Variants in FHDC1 observed in about 807,000 individuals in gnomAD.
FHDC1 encodes FH2 domain-containing protein 1.
Under a neutral mutation model 52.6 loss-of-function variants are expected in FHDC1, and 25 were observed. That is an observed-to-expected ratio of 0.48 (90% CI 0.35 to 0.66). The LOEUF (loss-of-function observed/expected upper bound fraction) is 0.66, where lower values mean the gene tolerates loss of function less well. Ranked by LOEUF, FHDC1 falls within the 30% of genes least tolerant of loss-of-function variation. The probability of loss-of-function intolerance (pLI) is 0.01; values close to 1 mark genes in which losing one functional copy is unlikely to be tolerated. For missense variants in FHDC1, 1,459 were observed against 1,452.8 expected, an observed-to-expected ratio of 1.00 and a Z score of -0.07; for synonymous variants, 616 against 581.5, an observed-to-expected ratio of 1.06 and a Z score of -0.85.
chr4:152,968,413 C>T (rs563776695), intron 10 of FHDC1, among the ~76,000 whole-genome samples: 5 of 151,932 alleles, frequency 3.3e-5, no homozygotes, highest in Non-Finnish European at 5.9e-5. Context: ...GCAACCTCCG[C>T]CTCCCTAGTT....
chr4:152,925,213 ACT>A, the FHDC1 span, among the ~76,000 whole-genome samples: 2 of 151,702 alleles, frequency 1.3e-5, no homozygotes, highest in East Asian at 3.9e-4. Context: ...ATTTAAAGCA[ACT>A]CTTTTTTTCT....
chr4:152,975,874 A>C lies in FHDC1; in HGVS notation c.2583A>C (p.Ala861=). Residue 861 remains alanine (A), a synonymous_variant, in exon 12 of 12, where the codon GCA becomes GCC. Transcript: ENST00000511601. ...CCACCAAAAGGAAAGATGTTGTAGC[A>C]CCAAAGAGAGGCTCCCTGAAAGAGG... The part of the protein sequence containing the change: ...DKPTKRKDVV[A]PKRGSLKEAS... 6.6e-7 allele frequency: 1 copy of C among 1,515,494 alleles called. No individual in the cohort carries two copies. The highest frequency in any genetic ancestry group is 8.8e-7 in the Non-Finnish European group (1 of 1,134,054). 93.9% of individuals were successfully genotyped at this position (1,515,494 alleles called of 1,614,324 possible).
rs374612781 is a variant in FHDC1, at chr4:152,960,582, G to A, written c.681G>A (p.Ala227=). 4.3e-5 allele frequency: 69 copies of A among 1,613,932 alleles called. No individual in the cohort carries two copies. In the Middle Eastern group the frequency reaches 6.6e-4, roughly 15 times the overall value. ...TCTTTTAGGTAAAGAAGTTAAAAGC[G>A]TTTAGTGGCGACGTGTCGAAGCTGT... ...PESEEVKKLK[A]FSGDVSKLSL... The change falls in exon 5 of 12, where the codon GCG becomes GCA. Residue 227 remains alanine, a synonymous_variant. Coordinates refer to ENST00000511601, the MANE Select transcript of FHDC1 (RefSeq NM_001371116.1).
At chr4:152,960,913 C>A in intron 6 of FHDC1, 69 bp downstream of exon 6, 1 of 1,169,590 alleles carries the variant, frequency 8.5e-7, no homozygotes, top group Non-Finnish European at 1.2e-6. Context: ...TTAAAAAAGC[C>A]AAATGAAATT....
At position 152,976,137 on chromosome 4, in the gene FHDC1, C is replaced by T; in HGVS notation, c.2846C>T (p.Ser949Phe). The change falls in exon 12 of 12, where the codon TCC (serine) becomes TTC (phenylalanine). Residue 949 changes from serine (S) to phenylalanine (F), a missense_variant. Ser to Phe is a radical substitution (Grantham distance 155). This residue lies in a region of FHDC1 where 939 missense variants were observed against 854.5 expected (regional missense o/e 1.10). Transcript: ENST00000511601. ...WSRQNSVRRA[S>F]TGAEEQRLPR... is the part of the protein sequence containing the mutation. ...CGCCAGAACTCCGTGCGGAGGGCCT[C>T]CACAGGCGCCGAAGAGCAGAGGCTG... is the stretch of plus-strand genomic sequence containing the variant. The T allele has an allele frequency of 6.2e-7, 1 of 1,611,610 alleles. No individual in the cohort carries two copies. Among genetic ancestry groups the T allele is most frequent in the Non-Finnish European group, 8.5e-7 (1 of 1,179,228 alleles).
At chr4:152,947,948 C>T (rs922688973) in intron 2 of FHDC1, among the ~76,000 whole-genome samples, 5 of 152,058 alleles carry the variant, frequency 3.3e-5, no homozygotes, top group South Asian at 2.1e-4. Context: ...GTTATGATGC[C>T]GGTATGTTCC....
chr4:152,915,384 G>A, the FHDC1 span, among the ~76,000 whole-genome samples: 2 of 152,132 alleles, frequency 1.3e-5, no homozygotes, highest in Non-Finnish European at 2.9e-5. Flanking sequence ...CAAAATGCTG[G>A]GATTACAGGC....
the FHDC1 span, among the ~76,000 whole-genome samples, chr4:152,926,305 A>ACACAG: frequency 3.5e-5 from 4 of 113,056 alleles, no homozygotes; most frequent in South Asian, 2.8e-4. Flanking sequence ...CACACACACA[A>ACACAG]ACAATACACA....
At chr4:152,930,997 A>ACACACACACACACACACACT in the FHDC1 span, among the ~76,000 whole-genome samples, 2 of 113,146 alleles carry the variant, frequency 1.8e-5, no homozygotes, top group Admixed American at 8.5e-5. Flanking sequence ...ACACACACAC[A>ACACACACACACACACACACT]CTCTCTCTCT....
At chr4:152,949,124 T>TAAGAAGAAGAAGAAGAAGAAG (rs201070214) in intron 2 of FHDC1, among the ~76,000 whole-genome samples, 28 of 74,694 alleles carry the variant, frequency 3.7e-4, no homozygotes, top group East Asian at 1.4e-3. Flanking sequence ...ATAATAATAA[T>TAAGAAGAAGAAGAAGAAGAAG]AAGAAGAAGA....
chr4:152,943,237 A>ACCCCCCCCC lies in FHDC1; in HGVS notation c.185_186insCCCCCCCCC (p.Pro63_Pro65dup). 3.1e-6 allele frequency: 3 copies of ACCCCCCCCC among 970,914 alleles called. No individual in the cohort carries two copies. The highest frequency in any genetic ancestry group is 4.0e-6 in the Non-Finnish European group (3 of 742,298). 60.1% of individuals were successfully genotyped at this position (970,914 alleles called of 1,614,324 possible). On this transcript the variant is annotated inframe_insertion, in exon 2 of 12. Coordinates refer to ENST00000511601, the MANE Select transcript of FHDC1 (RefSeq NM_001371116.1). Reference sequence around the variant, plus strand: ...AAGAGTGTCCTTCCTCCCCTCCTCCACCCCCACCACCTCCACTTCCTGGGG... The same window carrying ACCCCCCCCC: ...AAGAGTGTCCTTCCTCCCCTCCTCCACCCCCCCCCCCCCCACCACCTCCACTTCCTGGGG...
chr4:152,939,517 AG>A (rs1296376285), intron 1 of FHDC1, among the ~76,000 whole-genome samples: 1 of 152,242 alleles, frequency 6.6e-6, no homozygotes, highest in Non-Finnish European at 1.5e-5. Context: ...GGAGGGGGCC[AG>A]GGGCAGCTTT....
rs1412044876 is a variant in FHDC1 at position 152,969,179 on chromosome 4, G to A, written c.1218+1082G>A. Among the ~76,000 whole-genome samples, 3 of 152,148 alleles carry A rather than the reference G, an allele frequency of 2.0e-5. No individual in the cohort carries two copies. In the East Asian group the frequency reaches 5.8e-4, roughly 29 times the overall value. ...TTGTTAGTGTTTTGAGACCTGTGAGGTGGAATCATGTAGCAGGGCTGCCCT... is the reference window on the plus strand; with the variant it reads ...TTGTTAGTGTTTTGAGACCTGTGAGATGGAATCATGTAGCAGGGCTGCCCT... On this transcript the variant is annotated intron_variant, in intron 10 of 11. Coordinates refer to ENST00000511601, the MANE Select transcript of FHDC1 (RefSeq NM_001371116.1).
At chr4:152,926,281 C>T in the FHDC1 span, among the ~76,000 whole-genome samples, 1 of 150,564 alleles carries the variant, frequency 6.6e-6, no homozygotes, top group Non-Finnish European at 1.5e-5. Context: ...CACACACACA[C>T]ACACACACAC....
At chr4:152,949,326 A>G (rs1445870237) in intron 2 of FHDC1, among the ~76,000 whole-genome samples, 1 of 151,536 alleles carries the variant, frequency 6.6e-6, no homozygotes, top group Non-Finnish European at 1.5e-5. Context: ...AAAATGTCTT[A>G]AAAATTATCC....
chr4:152,952,967 A>G (rs1739972780), intron 2 of FHDC1, among the ~76,000 whole-genome samples: 2 of 152,066 alleles, frequency 1.3e-5, no homozygotes, highest in Admixed American at 1.3e-4. Flanking sequence ...CTCCATCTCT[A>G]CAAAACATAC....
rs753758788 is a variant in FHDC1 at position 152,975,321 on chromosome 4, C to T, written c.2030C>T (p.Thr677Ile). 2 of 1,613,538 alleles carry T rather than the reference C, an allele frequency of 1.2e-6. No individual in the cohort carries two copies. Among genetic ancestry groups the T allele is most frequent in the South Asian group, 1.1e-5 (1 of 91,088 alleles). Residue 677 changes from threonine (T) to isoleucine (I), a missense_variant, in exon 12 of 12, where the codon ACA (threonine) becomes ATA (isoleucine). Physicochemically the swap from Thr to Ile is moderately conservative, Grantham distance 89 (BLOSUM62 -1). This residue lies in a region of FHDC1 where 939 missense variants were observed against 854.5 expected (regional missense o/e 1.10). Transcript: ENST00000511601. The stretch of plus-strand genomic sequence containing the variant: ...GGAATTAAGGAGCATGAGCTGGTGA[C>T]AGGGCTGGCCCAGTTCAACCTCCAG... Reference protein sequence around the residue: ...ALGIKEHELVTGLAQFNLQGS... With the variant: ...ALGIKEHELVIGLAQFNLQGS...
the FHDC1 span, among the ~76,000 whole-genome samples, chr4:152,923,095 A>T: frequency 2.6e-5 from 4 of 152,186 alleles, no homozygotes; most frequent in African/African-American, 9.7e-5. Flanking sequence ...ACATGATTGT[A>T]TATCTAGAAA....
At chr4:152,935,293 A>G (rs1739329667), upstream of FHDC1, among the ~76,000 whole-genome samples, 1 of 152,184 alleles carries the variant, frequency 6.6e-6, no homozygotes, top group Admixed American at 6.5e-5. Context: ...ATTAGGCTGG[A>G]AACGTCTTGG....
Sources: allele counts gnomAD v4.1 joint callset (sites outside exome capture counted in the v4.1 genomes callset), GRCh38; gene constraint gnomAD v4.1.1; regional missense constraint gnomAD v4.1.1; transcripts MANE v1.5; gene names NCBI Gene and HGNC (gene_info 2026-07-23, HGNC 2026-07-21).